Variants in PPP1R1C observed in about 807,000 individuals in gnomAD.
PPP1R1C encodes the protein protein phosphatase 1 regulatory subunit 1C.
In PPP1R1C, 15 loss-of-function variants were observed where a neutral mutation model predicts 17.4. The observed-to-expected ratio is 0.86, with a 90% CI of 0.58 to 1.33. The LOEUF (loss-of-function observed/expected upper bound fraction) is 1.33, where lower values mean the gene tolerates loss of function less well. Among genes scored for constraint, PPP1R1C ranks in the 40% most tolerant of loss-of-function variants. The pLI, the probability that PPP1R1C is intolerant of heterozygous loss-of-function variation, is 0.00. For missense variants in PPP1R1C, 143 were observed against 130.0 expected (o/e 1.10, Z -0.48); for synonymous variants, 35 against 43.1 (o/e 0.81, Z 0.73).
At chr2:182,075,934 A>T (rs1181413878) in intron 4 of PPP1R1C, among the ~76,000 whole-genome samples, 2 of 152,166 alleles carry the variant, frequency 1.3e-5, no homozygotes, top group Non-Finnish European at 1.5e-5. Context: ...TGCTCACATT[A>T]TGTAAAAATA....
chr2:181,974,972 T>A (rs765924640), intron 1 of PPP1R1C, among the ~76,000 whole-genome samples: 3 of 152,156 alleles, frequency 2.0e-5, no homozygotes, highest in Admixed American at 6.6e-5. Flanking sequence ...TCCTGATACC[T>A]GCAAAATAAA....
upstream of PPP1R1C, among the ~76,000 whole-genome samples, chr2:181,984,580 C>T (rs979163843): frequency 2.6e-5 from 4 of 152,222 alleles, no homozygotes; most frequent in Admixed American, 6.5e-5. Flanking sequence ...AGTGCTTTCA[C>T]ATCCACATCT....
intron 2 of PPP1R1C, among the ~76,000 whole-genome samples, chr2:182,053,663 A>G: frequency 6.6e-6 from 1 of 152,162 alleles, no homozygotes; most frequent in Middle Eastern, 3.4e-3. Context: ...TGTTTTATTT[A>G]TAATATTTAT....
exon 6 of PPP1R1C, chr2:182,129,201 A>T (rs1330670817): frequency 6.6e-6 from 1 of 152,066 alleles, no homozygotes; most frequent in East Asian, 1.9e-4. Flanking sequence ...AATAATTTTT[A>T]TTACACCATT....
intron 3 of PPP1R1C, among the ~76,000 whole-genome samples, chr2:182,062,239 T>C (rs187059129): frequency 2.6e-5 from 4 of 152,190 alleles, no homozygotes; most frequent in Non-Finnish European, 5.9e-5. Context: ...ATCACAAGAC[T>C]TTTCTGAAAA....
intron 2 of PPP1R1C, among the ~76,000 whole-genome samples, chr2:182,008,121 T>C (rs1186209528): frequency 1.3e-5 from 2 of 152,030 alleles, no homozygotes; most frequent in Non-Finnish European, 2.9e-5. Flanking sequence ...TCAATACTTT[T>C]GCATAAATGT....
Position 181,962,606 on chromosome 2 carries a change from G to T in PPP1R1C, n.111+7972G>T. ...AAAGCAAAGAGCGGGAGGGGCCCTT[G>T]GGCCAAGTATCAGGGCAATAAATTA... On this transcript the variant is annotated intron_variant and non_coding_transcript_variant, in intron 1 of 5. Transcript: ENST00000464264. The surrounding 1 kb of genome is among the most constrained non-coding windows in gnomAD (Gnocchi z 6.0). 1 of 411,592 alleles carries T rather than the reference G, an allele frequency of 2.4e-6. No homozygotes were observed. The highest frequency in any genetic ancestry group is 4.4e-6 in the Non-Finnish European group (1 of 229,320). 25.5% of individuals were successfully genotyped at this position (411,592 alleles called of 1,614,324 possible).
In PPP1R1C at chr2:182,116,808, G is replaced by A. The variant is rs78852180; in HGVS notation, c.242-399G>A. Among the ~76,000 whole-genome samples, 579 of 152,206 alleles carry A rather than the reference G, an allele frequency of 3.8e-3. 7 individuals carry two copies. The highest frequency in any genetic ancestry group is 0.013 in the African/African-American group (542 of 41,530). On this transcript the variant is annotated intron_variant, in intron 4 of 4. Coordinates refer to ENST00000682840, the MANE Select transcript of PPP1R1C (RefSeq NM_001080545.3). Reference sequence around the variant, plus strand: ...TGTTTATAAGTTACAGAAATGGCACGCACACCCTTTTGTTCCTAGGGGTTT... The same window carrying A: ...TGTTTATAAGTTACAGAAATGGCACACACACCCTTTTGTTCCTAGGGGTTT...
At chr2:182,097,179 A>G (rs778288354) in intron 4 of PPP1R1C, among the ~76,000 whole-genome samples, 3 of 152,182 alleles carry the variant, frequency 2.0e-5, no homozygotes, top group Non-Finnish European at 4.4e-5. Flanking sequence ...TCTGGTCTTG[A>G]TTGGAGTTAC....
chr2:182,114,406 G>GGA (rs1246902485), intron 4 of PPP1R1C, among the ~76,000 whole-genome samples: 2 of 151,894 alleles, frequency 1.3e-5, no homozygotes, highest in African/African-American at 4.8e-5. Flanking sequence ...ATCAAATGGG[G>GGA]GTTTAAAGAA....
At chr2:182,080,580 A>T (rs1402806494) in intron 4 of PPP1R1C, among the ~76,000 whole-genome samples, 3 of 152,226 alleles carry the variant, frequency 2.0e-5, no homozygotes, top group African/African-American at 7.2e-5. Flanking sequence ...CATATTTCAG[A>T]TAGAAACAGA....
intron 4 of PPP1R1C, among the ~76,000 whole-genome samples, chr2:182,086,113 G>A (rs1688621093): frequency 6.6e-6 from 1 of 151,818 alleles, no homozygotes; most frequent in South Asian, 2.1e-4. Context: ...GATACCAAGA[G>A]GAAAATATTG....
At chr2:182,043,391 G>A (rs1436332620) in intron 2 of PPP1R1C, among the ~76,000 whole-genome samples, 1 of 152,052 alleles carries the variant, frequency 6.6e-6, no homozygotes, top group Non-Finnish European at 1.5e-5. Flanking sequence ...ACTTTAATAA[G>A]CAAAATAACA....
At chr2:181,978,101 G>A (rs911924191) in intron 2 of PPP1R1C, among the ~76,000 whole-genome samples, 23 of 152,162 alleles carry the variant, frequency 1.5e-4, no homozygotes, top group Non-Finnish European at 2.5e-4. Context: ...CGGCAGGCAA[G>A]GGGGCTTGTG....
At chr2:182,086,830 A>G (rs1688642061) in intron 4 of PPP1R1C, among the ~76,000 whole-genome samples, 2 of 152,068 alleles carry the variant, frequency 1.3e-5, no homozygotes, top group South Asian at 4.2e-4. Flanking sequence ...GACCTGCTAT[A>G]TGATTGGTCT....
intron 4 of PPP1R1C, among the ~76,000 whole-genome samples, chr2:182,085,484 C>T (rs538582713): frequency 6.6e-6 from 1 of 151,964 alleles, no homozygotes; most frequent in Non-Finnish European, 1.5e-5. Flanking sequence ...GTAGCTTTAC[C>T]CTTCAGCCCC....
chr2:182,010,770 T>C (rs1413513870), intron 2 of PPP1R1C, among the ~76,000 whole-genome samples: 1 of 152,034 alleles, frequency 6.6e-6, no homozygotes, highest in African/African-American at 2.4e-5. Flanking sequence ...TTGTCATATA[T>C]GGCTTTCCTG....
chr2:181,957,745 G>A lies in PPP1R1C; in HGVS notation n.111+3111G>A, dbSNP rs550854592. Among the ~76,000 whole-genome samples the A allele has an allele frequency of 1.3e-5, 2 of 152,258 alleles. No homozygotes were observed. The highest frequency in any genetic ancestry group is 2.1e-4 in the South Asian group (1 of 4,830). ...CAGCTCCCCTTTCCTTGCAAGGCTT[G>A]TACTTTGGACTTTTCTGAACACCAC... On this transcript the variant is annotated intron_variant and non_coding_transcript_variant, in intron 1 of 5. Coordinates refer to the PPP1R1C transcript ENST00000464264. The surrounding 1 kb of genome is among the most constrained non-coding windows in gnomAD (Gnocchi z 4.2).
In PPP1R1C at chr2:182,000,599, C is replaced by T. The variant is rs115689680; in HGVS notation, c.142+12700C>T. Among the ~76,000 whole-genome samples, 1,086 of 152,204 alleles carry T rather than the reference C, an allele frequency of 7.1e-3. 13 individuals carry two copies. Among genetic ancestry groups the T allele is most frequent in the African/African-American group, 0.025 (1,021 of 41,520 alleles). On this transcript the variant is annotated intron_variant, in intron 2 of 4. Coordinates refer to ENST00000682840, the MANE Select transcript of PPP1R1C (RefSeq NM_001080545.3). ...TAGCAACAGTTACCATAGAGACATA[C>T]ACATTAGAGATATTATCTATAAGGA...
Sources: allele counts gnomAD v4.1 joint callset (sites outside exome capture counted in the v4.1 genomes callset), GRCh38; gene constraint gnomAD v4.1.1; non-coding constraint Gnocchi (gnomAD v3.1); transcripts MANE v1.5; gene names NCBI Gene and HGNC (gene_info 2026-07-23, HGNC 2026-07-21).